MACROD2: variants seen among roughly 807,000 people sequenced by gnomAD.
MACROD2 encodes the protein ADP-ribose glycohydrolase MACROD2.
Under a neutral mutation model 70.4 loss-of-function variants are expected in MACROD2, and 36 were observed. The observed-to-expected ratio is 0.51, with a 90% CI of 0.39 to 0.68. The LOEUF is 0.68. Among genes scored for constraint, MACROD2 ranks in the 30% least tolerant of loss-of-function variants. MACROD2 has a pLI of 0.00. For synonymous variants in MACROD2, 172 were observed against 178.8 expected (o/e 0.96, Z 0.30); for missense variants, 496 against 538.4 (o/e 0.92, Z 0.78).
intron 6 of MACROD2, among the ~76,000 whole-genome samples, chr20:15,366,873 G>A (rs529310372): frequency 2.6e-5 from 4 of 152,084 alleles, no homozygotes; most frequent in East Asian, 1.9e-4. Context: ...TTTGAATATA[G>A]CATTATTATG....
At chr20:15,672,369 A>ACACACGCG (rs1184004121) in intron 8 of MACROD2, among the ~76,000 whole-genome samples, 1 of 151,716 alleles carries the variant, frequency 6.6e-6, no homozygotes, top group Non-Finnish European at 1.5e-5. Context: ...ACACACACAC[A>ACACACGCG]CACACACACA....
intron 8 of MACROD2, among the ~76,000 whole-genome samples, chr20:15,852,030 C>G (rs987253338): frequency 6.6e-6 from 1 of 152,188 alleles, no homozygotes; most frequent in African/African-American, 2.4e-5. Context: ...AAGGGCAGAA[C>G]AGGTCATGCT....
At chr20:14,442,005 C>T (rs2084129315) in intron 3 of MACROD2, among the ~76,000 whole-genome samples, 2 of 152,120 alleles carry the variant, frequency 1.3e-5, no homozygotes, top group African/African-American at 4.8e-5. Flanking sequence ...TGCAGTGGCT[C>T]ATGCTTGTAA....
At chr20:14,024,331 G>T (rs2053127622) in intron 2 of MACROD2, among the ~76,000 whole-genome samples, 1 of 152,214 alleles carries the variant, frequency 6.6e-6, no homozygotes, top group Non-Finnish European at 1.5e-5. Flanking sequence ...CATGTCATCT[G>T]CAAACAGAGA....
intron 5 of MACROD2, chr20:14,894,754 A>C (rs1298144289): frequency 6.6e-6 from 1 of 152,224 alleles, no homozygotes; most frequent in African/African-American, 2.4e-5. Context: ...GGATTAATTC[A>C]TATTAACATT....
chr20:14,612,411 T>A (rs1327430796), intron 4 of MACROD2, among the ~76,000 whole-genome samples: 1 of 152,132 alleles, frequency 6.6e-6, no homozygotes, highest in Non-Finnish European at 1.5e-5. Flanking sequence ...TTAGGACAAC[T>A]GTAGACTTTG....
At chr20:14,400,507 T>C (rs1199867344) in intron 3 of MACROD2, among the ~76,000 whole-genome samples, 2 of 152,354 alleles carry the variant, frequency 1.3e-5, no homozygotes, top group African/African-American at 4.8e-5. Flanking sequence ...CTTGTAGCTC[T>C]TCTGTATATC....
At chr20:15,871,705 G>T (rs2064586895) in intron 9 of MACROD2, among the ~76,000 whole-genome samples, 1 of 152,142 alleles carries the variant, frequency 6.6e-6, no homozygotes, top group African/African-American at 2.4e-5. Flanking sequence ...TTCACGTCTG[G>T]TGTTGGGTAA....
intron 5 of MACROD2, among the ~76,000 whole-genome samples, chr20:15,075,434 G>T (rs896381355): frequency 2.6e-5 from 4 of 152,128 alleles, no homozygotes; most frequent in Non-Finnish European, 5.9e-5. Flanking sequence ...ACTCAAATTG[G>T]CTTATGTATA....
chr20:15,606,558 G>C (rs917463632), intron 8 of MACROD2, among the ~76,000 whole-genome samples: 1 of 152,038 alleles, frequency 6.6e-6, no homozygotes, highest in Non-Finnish European at 1.5e-5. Flanking sequence ...GTGTCCCAAC[G>C]CACTAATTTT....
intron 8 of MACROD2, among the ~76,000 whole-genome samples, chr20:15,501,299 A>G (rs998349176): frequency 7.2e-5 from 11 of 152,244 alleles, no homozygotes; most frequent in Non-Finnish European, 1.5e-4. Flanking sequence ...GTATCAGTGC[A>G]TATCCATCAT....
At chr20:15,815,400 C>A in intron 8 of MACROD2, among the ~76,000 whole-genome samples, 1 of 147,312 alleles carries the variant, frequency 6.8e-6, no homozygotes, top group African/African-American at 2.5e-5. Context: ...TTTTAAATGG[C>A]AAAACAATAG....
intron 4 of MACROD2, among the ~76,000 whole-genome samples, chr20:14,587,652 CATATTA>C (rs1186443480): frequency 2.6e-5 from 4 of 151,620 alleles, no homozygotes; most frequent in Non-Finnish European, 5.9e-5. Flanking sequence ...TTATATAACA[CATATTA>C]ATATACACAC....
intron 6 of MACROD2, among the ~76,000 whole-genome samples, chr20:15,310,898 G>C (rs928155212): frequency 6.6e-6 from 1 of 152,164 alleles, no homozygotes; most frequent in Non-Finnish European, 1.5e-5. Context: ...TAGTTTATGT[G>C]ATCAAAGACA....
chr20:15,890,135 C>T (rs2064870229), intron 10 of MACROD2, among the ~76,000 whole-genome samples: 1 of 152,050 alleles, frequency 6.6e-6, no homozygotes, highest in Admixed American at 6.5e-5. Flanking sequence ...GTAAGCATGC[C>T]CACTGACCCA....
At chr20:14,373,713 C>T (rs1266281867) in intron 3 of MACROD2, among the ~76,000 whole-genome samples, 1 of 152,146 alleles carries the variant, frequency 6.6e-6, no homozygotes, top group East Asian at 1.9e-4. Flanking sequence ...TAGAAGTTCA[C>T]AGTTTCTATG....
At chr20:14,995,522 T>C (rs999590749) in intron 5 of MACROD2, among the ~76,000 whole-genome samples, 1 of 151,518 alleles carries the variant, frequency 6.6e-6, no homozygotes, top group African/African-American at 2.4e-5. Flanking sequence ...CCAAAAAAAA[T>C]AAAATAAAAT....
chr20:15,911,695 C>G (rs1294204814), intron 10 of MACROD2, among the ~76,000 whole-genome samples: 1 of 152,118 alleles, frequency 6.6e-6, no homozygotes, highest in Non-Finnish European at 1.5e-5. Context: ...GAAATAAAAG[C>G]TAAACAAAAG....
At chr20:14,082,660 GA>G (rs2054015060) in intron 2 of MACROD2, among the ~76,000 whole-genome samples, 1 of 151,392 alleles carries the variant, frequency 6.6e-6, no homozygotes, top group Non-Finnish European at 1.5e-5. Flanking sequence ...AGAATGATTA[GA>G]AAATCTATTT....
Sources: gnomAD v4.1 joint callset for allele counts (sites outside exome capture counted in the v4.1 genomes callset) on GRCh38, gnomAD v4.1.1 for gene constraint, MANE v1.5 for transcripts, NCBI Gene and HGNC (gene_info 2026-07-23, HGNC 2026-07-21) for gene names.